SCD5: variants seen among roughly 807,000 people sequenced by gnomAD.
SCD5 encodes stearoyl-CoA desaturase 5, also known as acyl-CoA-desaturase 4.
In SCD5, 20 loss-of-function variants were observed where a neutral mutation model predicts 30.4. The ratio of observed to expected loss-of-function variants is 0.66; its 90% CI spans 0.46 to 0.96. The LOEUF is 0.96. Among genes scored for constraint, SCD5 ranks in the 40% least tolerant of loss-of-function variants. The pLI is 0.00. For synonymous variants in SCD5, 173 were observed against 176.4 expected (o/e 0.98, Z 0.16); for missense variants, 381 against 443.3 (o/e 0.86, Z 1.26).
intron 1 of SCD5, among the ~76,000 whole-genome samples, chr4:82,723,348 T>A (rs888073436): frequency 2.0e-5 from 3 of 152,178 alleles, no homozygotes; most frequent in Non-Finnish European, 4.4e-5. Context: ...CCTAAATGTC[T>A]GATTTCCATT....
intron 1 of SCD5, among the ~76,000 whole-genome samples, chr4:82,733,221 C>G (rs1026880180): frequency 2.0e-5 from 3 of 152,210 alleles, no homozygotes; most frequent in African/African-American, 7.2e-5. Context: ...GCCCCACACA[C>G]CACCAGCATG....
chr4:82,771,663 C>T (rs1721625718), intron 1 of SCD5, among the ~76,000 whole-genome samples: 1 of 152,156 alleles, frequency 6.6e-6, no homozygotes, highest in South Asian at 2.1e-4. Context: ...TGGTCCCATG[C>T]CTGCCTCTCC....
chr4:82,671,957 A>G lies in SCD5; in HGVS notation c.569+8750T>C, dbSNP rs535867028. Reference sequence around the variant, plus strand: ...CAAACAACATACTTCTAAATAACACATGGGCCAAGAAAAAAATCTCAAGAG... The same window carrying G: ...CAAACAACATACTTCTAAATAACACGTGGGCCAAGAAAAAAATCTCAAGAG... On this transcript the variant is annotated intron_variant, in intron 3 of 4. Transcript: ENST00000319540. Among the ~76,000 whole-genome samples the G allele has an allele frequency of 2.6e-5, 4 of 152,238 alleles. No individual in the cohort carries two copies. In the East Asian group the frequency reaches 7.7e-4, roughly 29 times the overall value.
intron 3 of SCD5, among the ~76,000 whole-genome samples, chr4:82,645,370 C>T (rs1169684925): frequency 6.6e-6 from 1 of 150,968 alleles, no homozygotes; most frequent in East Asian, 1.9e-4. Context: ...GTGGGATCAA[C>T]CCAAGAACGA....
At chr4:82,701,403 CA>C (rs1262193453) in intron 2 of SCD5, among the ~76,000 whole-genome samples, 1 of 151,748 alleles carries the variant, frequency 6.6e-6, no homozygotes, top group East Asian at 1.9e-4. Flanking sequence ...CCAACTATAT[CA>C]ATAATTGGTA....
chr4:82,719,029 G>A (rs72916901), intron 1 of SCD5, among the ~76,000 whole-genome samples: 2,115 of 151,730 alleles, frequency 0.014, 94 homozygotes, highest in African/African-American at 0.049. Flanking sequence ...CAGGGGGCTC[G>A]CTGCTAGCCG....
In SCD5 at chr4:82,629,601, ACT is replaced by A. The variant is rs1727245913; in HGVS notation, c.*1724_*1725del. 6.6e-6 allele frequency: 1 copy of A among 152,212 alleles called. No individual in the cohort carries two copies. The highest frequency in any genetic ancestry group is 1.5e-5 in the Non-Finnish European group (1 of 68,034). 9.4% of individuals were successfully genotyped at this position (152,212 alleles called of 1,614,324 possible). On this transcript the variant is annotated 3_prime_UTR_variant, in exon 5 of 5. Transcript: ENST00000319540. ...TACACATTACCAGTGGCAAAATAAC[ACT>A]GTTAAACACCTACTGGATGAAGAAC...
chr4:82,708,154 A>G (rs1720007362), intron 1 of SCD5, among the ~76,000 whole-genome samples: 1 of 152,172 alleles, frequency 6.6e-6, no homozygotes, highest in Non-Finnish European at 1.5e-5. Flanking sequence ...TTTAAAATGT[A>G]TTTTAGGGCC....
chr4:82,759,116 T>A (rs1185384629), intron 1 of SCD5, among the ~76,000 whole-genome samples: 2 of 152,186 alleles, frequency 1.3e-5, no homozygotes, highest in East Asian at 3.9e-4. Context: ...CCTCAACCTG[T>A]CTTTTGCGAC....
intron 1 of SCD5, among the ~76,000 whole-genome samples, chr4:82,748,288 A>G (rs7677198): frequency 0.021 from 3,235 of 151,730 alleles, 111 homozygotes; most frequent in African/African-American, 0.073. Context: ...GAATTGATAG[A>G]CTCAGGCCTA....
intron 1 of SCD5, among the ~76,000 whole-genome samples, chr4:82,752,953 T>C (rs1469239202): frequency 6.6e-6 from 1 of 152,160 alleles, no homozygotes; most frequent in African/African-American, 2.4e-5. Flanking sequence ...CTTAATTCCC[T>C]GCCCTCTCCT....
chr4:82,715,162 A>T (rs904466288), intron 1 of SCD5, among the ~76,000 whole-genome samples: 1 of 151,182 alleles, frequency 6.6e-6, no homozygotes, highest in African/African-American at 2.5e-5. Context: ...GCTTGAACCC[A>T]GGAGGCAGAG....
intron 1 of SCD5, among the ~76,000 whole-genome samples, chr4:82,731,499 C>T (rs1462431682): frequency 6.6e-6 from 1 of 152,214 alleles, no homozygotes; most frequent in Admixed American, 6.5e-5. Flanking sequence ...CCCGGGGAAA[C>T]AGCCACCATC....
intron 2 of SCD5, among the ~76,000 whole-genome samples, chr4:82,686,872 AAAG>A (rs1358237089): frequency 1.3e-5 from 2 of 152,184 alleles, no homozygotes; most frequent in East Asian, 3.8e-4. Context: ...AAAGTAGTTA[AAAG>A]AAAAGTACTT....
At chr4:82,779,428 T>C (rs1443103469) in intron 1 of SCD5, among the ~76,000 whole-genome samples, 1 of 152,174 alleles carries the variant, frequency 6.6e-6, no homozygotes, top group Non-Finnish European at 1.5e-5. Context: ...CACTTTGATT[T>C]TAGTCCAGTG....
rs1360247287 is a variant in SCD5, at chr4:82,630,178, A to G, written c.*1149T>C. ...TCAAACATCTAAACAGGCATGATTT[A>G]TAAGGTGGGCTGGCCATAGGGCTCA... On this transcript the variant is annotated 3_prime_UTR_variant, in exon 5 of 5. Transcript: ENST00000319540. 5.3e-5 allele frequency: 8 copies of G among 152,282 alleles called. No homozygotes were observed. Among genetic ancestry groups the G allele is most frequent in the African/African-American group, 1.9e-4 (8 of 41,476 alleles). The allele number at this position is 152,282 out of a possible 1,614,324, so 9.4% of individuals were successfully genotyped here. A position where few individuals can be genotyped will look rare whatever the true frequency, so the allele number is the denominator to read the frequency against.
chr4:82,765,039 A>T (rs1236967420), intron 1 of SCD5, among the ~76,000 whole-genome samples: 4 of 152,104 alleles, frequency 2.6e-5, no homozygotes, highest in Non-Finnish European at 2.9e-5. Context: ...GATATTTTTA[A>T]AATACGAAAA....
chr4:82,730,977 A>T (rs994682766), intron 1 of SCD5, among the ~76,000 whole-genome samples: 1 of 152,162 alleles, frequency 6.6e-6, no homozygotes, highest in Non-Finnish European at 1.5e-5. Context: ...ACAGTCTCAA[A>T]ACAAGTCGAA....
At chr4:82,758,282 T>G (rs1407254139) in intron 1 of SCD5, among the ~76,000 whole-genome samples, 2 of 151,892 alleles carry the variant, frequency 1.3e-5, no homozygotes, top group African/African-American at 4.8e-5. Flanking sequence ...GGGCAATATA[T>G]CAAGATCCCT....
Sources: allele counts gnomAD v4.1 joint callset (sites outside exome capture counted in the v4.1 genomes callset), GRCh38; gene constraint gnomAD v4.1.1; transcripts MANE v1.5; gene names NCBI Gene and HGNC (gene_info 2026-07-23, HGNC 2026-07-21).